Variants in CPN2 observed in about 807,000 individuals in gnomAD.
The protein encoded by CPN2 is carboxypeptidase N 83 kDa chain.
For synonymous variants in CPN2, 336 were observed against 318.4 expected (o/e 1.06, Z -0.59); for missense variants, 620 against 671.4 (o/e 0.92, Z 0.85).
intron 1 of CPN2, among the ~76,000 whole-genome samples, chr3:194,348,762 C>A (rs1409006117): frequency 6.6e-6 from 1 of 152,062 alleles, no homozygotes; most frequent in Non-Finnish European, 1.5e-5. Flanking sequence ...CATAGTGGTG[C>A]ATGCTTGTAG....
chr3:194,342,152 A>G lies in CPN2; in HGVS notation c.551T>C (p.Leu184Pro). ...GAGTGGGTGGAACAGCTCCTCCGGG[A>G]GCTGGGCCAGGAGGTTCTGGGCCAG... ...LNLAQNLLAQ[L>P]PEELFHPLTS... is the part of the protein sequence containing the mutation. Residue 184 changes from leucine to proline, a missense_variant, in exon 2 of 2, where the codon CTC becomes CCC. By Grantham distance (98) the Leu-to-Pro change is moderately conservative. Transcript: ENST00000323830. The G allele has an allele frequency of 6.2e-7, 1 of 1,613,990 alleles. No homozygotes were observed. Among genetic ancestry groups the G allele is most frequent in the Non-Finnish European group, 8.5e-7 (1 of 1,179,952 alleles).
At chr3:194,347,660 CCCCATCCGCTGCCCAGTTCAG>C (rs1713096333) in intron 1 of CPN2, among the ~76,000 whole-genome samples, 5 of 129,928 alleles carry the variant, frequency 3.8e-5, no homozygotes, top group African/African-American at 1.2e-4. Flanking sequence ...GTTCAGCCCA[CCCCATCCGCTGCCCAGTTCAG>C]CCCACCCCAC....
intron 1 of CPN2, among the ~76,000 whole-genome samples, chr3:194,347,272 T>C (rs1713079491): frequency 6.6e-6 from 1 of 151,938 alleles, no homozygotes; most frequent in African/African-American, 2.4e-5. Flanking sequence ...ACATTGCTTA[T>C]GGGAGGGTAC....
rs757478492 is a variant in CPN2, at chr3:194,349,778, C to CTTTTTTT, written c.-4+1457_-4+1463dup. On this transcript the variant is annotated intron_variant, in intron 1 of 1. Transcript: ENST00000323830. ...ATGAAGCCTTCCTGACTACCCTCTT[C>CTTTTTTT]TTTTTTTTTTTTTTTTTTTTTTTTT... 8.7e-4 allele frequency among the ~76,000 whole-genome samples: 57 copies of CTTTTTTT among 65,592 alleles called. 4 individuals are homozygous for CTTTTTTT. Among genetic ancestry groups the CTTTTTTT allele is most frequent in the Non-Finnish European group, 1.2e-3 (43 of 36,182 alleles). The allele number at this position is 65,592 out of a possible 152,430, so 43.0% of individuals were successfully genotyped here.
chr3:194,344,064 T>C (rs1161049499), intron 1 of CPN2, among the ~76,000 whole-genome samples: 2 of 152,222 alleles, frequency 1.3e-5, no homozygotes, highest in East Asian at 1.9e-4. Flanking sequence ...AGTTGCAGAA[T>C]CTGGGTCCCT....
At chr3:194,350,770 G>T (rs9823904) in intron 1 of CPN2, among the ~76,000 whole-genome samples, 55,879 of 151,750 alleles carry the variant, frequency 0.37, 10,859 homozygotes, top group African/African-American at 0.43. Context: ...TGGGAGGATC[G>T]CTTGAAGCCA....
At position 194,341,309 on chromosome 3, in the gene CPN2, C is replaced by A. The variant is rs766290460; in HGVS notation, c.1394G>T (p.Gly465Val). The change falls in exon 2 of 2, where the codon GGG (glycine) becomes GTG (valine). Residue 465 changes from glycine (G) to valine (V), a missense_variant. Physicochemically the swap from Gly to Val is moderately radical, Grantham distance 109 (BLOSUM62 -3). Coordinates refer to ENST00000323830, the MANE Select transcript of CPN2 (RefSeq NM_001080513.4). Reference sequence around the variant, plus strand: ...CTGCACAGCCAGATCCCAGCTGCCCCCTGCCTTGCTTTCGTCCGGCCACGT... The same window carrying A: ...CTGCACAGCCAGATCCCAGCTGCCCACTGCCTTGCTTTCGTCCGGCCACGT... ...QVTWPDESKA[G>V]GSWDLAVQER... 3 of 1,613,714 alleles carry A rather than the reference C, an allele frequency of 1.9e-6. No individual in the cohort carries two copies. The highest frequency in any genetic ancestry group is 1.1e-5 in the South Asian group (1 of 91,086).
intron 1 of CPN2, 78 bp from the exon 2 acceptor site, chr3:194,342,783 G>A: frequency 1.5e-6 from 1 of 689,222 alleles, no homozygotes; most frequent in South Asian, 1.9e-5. Flanking sequence ...AGGGCACAGT[G>A]ACCAGGGCAT....
Position 194,342,160 on chromosome 3 carries a change from C to T in CPN2, c.543G>A (p.Leu181=), listed in dbSNP as rs374743945. The T allele has an allele frequency of 1.9e-6, 3 of 1,613,888 alleles. No individual in the cohort carries two copies. The highest frequency in any genetic ancestry group is 2.7e-5 in the African/African-American group (2 of 74,882). ...LKTLNLAQNL[L]AQLPEELFHP... ...GGAACAGCTCCTCCGGGAGCTGGGCCAGGAGGTTCTGGGCCAGGTTGAGTG... is the reference window on the plus strand; with the variant it reads ...GGAACAGCTCCTCCGGGAGCTGGGCTAGGAGGTTCTGGGCCAGGTTGAGTG... The change falls in exon 2 of 2, where the codon CTG becomes CTA. Residue 181 remains leucine (L), a synonymous_variant. Transcript: ENST00000323830.
chr3:194,340,803 G>C lies in CPN2; in HGVS notation c.*262C>G, dbSNP rs1288699461. On this transcript the variant is annotated 3_prime_UTR_variant, in exon 2 of 2. Coordinates refer to ENST00000323830, the MANE Select transcript of CPN2 (RefSeq NM_001080513.4). ...CTGAGGATATTTTATTCTCCAGGCTGTGGTGCAGCTTTTGAGGGTGCTTTG... is the reference window on the plus strand; with the variant it reads ...CTGAGGATATTTTATTCTCCAGGCTCTGGTGCAGCTTTTGAGGGTGCTTTG... The C allele has an allele frequency of 8.4e-6, 4 of 475,962 alleles. No homozygotes were observed. Among genetic ancestry groups the C allele is most frequent in the Non-Finnish European group, 1.5e-5 (4 of 271,616 alleles). 29.5% of individuals were successfully genotyped at this position (475,962 alleles called of 1,614,324 possible).
At position 194,341,273 on chromosome 3, in the gene CPN2, G is replaced by C; in HGVS notation, c.1430C>G (p.Ala477Gly). The change falls in exon 2 of 2, where the codon GCC becomes GGC. Residue 477 changes from alanine to glycine, a missense_variant. Transcript: ENST00000323830. ...GTTGCTGTAGGTGCACTGGCTCCGG[G>C]CTGCCCTTTCCTGCACAGCCAGATC... Reference protein sequence around the residue: ...SWDLAVQERAARSQCTYSNPE... With the variant: ...SWDLAVQERAGRSQCTYSNPE... 6.2e-7 allele frequency: 1 copy of C among 1,613,398 alleles called. No individual in the cohort carries two copies. The highest frequency in any genetic ancestry group is 8.5e-7 in the Non-Finnish European group (1 of 1,179,922).
At chr3:194,350,959 G>A (rs1207977330) in intron 1 of CPN2, among the ~76,000 whole-genome samples, 2 of 152,100 alleles carry the variant, frequency 1.3e-5, no homozygotes, top group Non-Finnish European at 2.9e-5. Flanking sequence ...AGGCCAACCT[G>A]GACATCTGGT....
At chr3:194,349,693 C>T (rs1379331630) in intron 1 of CPN2, among the ~76,000 whole-genome samples, 1 of 149,194 alleles carries the variant, frequency 6.7e-6, no homozygotes, top group Non-Finnish European at 1.5e-5. Flanking sequence ...GAACTGGGCA[C>T]TATGCGACCC....
rs1403949245 is a variant in CPN2, at chr3:194,341,066, T to C, written c.1637A>G (p.Ter546TrpextTer1). The C allele has an allele frequency of 2.5e-6, 4 of 1,596,868 alleles. No individual in the cohort carries two copies. Among genetic ancestry groups the C allele is most frequent in the South Asian group, 1.1e-5 (1 of 89,364 alleles). The change falls in exon 2 of 2, where the codon TAG (stop) becomes TGG (tryptophan). Residue 546 changes from the stop codon to tryptophan, a stop_lost. Coordinates refer to ENST00000323830, the MANE Select transcript of CPN2 (RefSeq NM_001080513.4). Reference protein sequence around the residue: ...VSIEARAAGP* With the variant: ...VSIEARAAGPW ...CCCCAGCTCCTGTATGCGCTGCTAC[T>C]AGGGCCCTGCTGCCCGAGCCTCGAT...
chr3:194,346,540 T>C (rs1392182828), intron 1 of CPN2, among the ~76,000 whole-genome samples: 1 of 152,100 alleles, frequency 6.6e-6, no homozygotes, highest in African/African-American at 2.4e-5. Context: ...CACTCGGGAG[T>C]GGCTACGAGT....
At chr3:194,343,458 C>T (rs562305169) in intron 1 of CPN2, among the ~76,000 whole-genome samples, 2 of 152,286 alleles carry the variant, frequency 1.3e-5, no homozygotes, top group East Asian at 1.9e-4. Flanking sequence ...AATTGGAAAA[C>T]GTCACAATAA....
chr3:194,341,285 T>G lies in CPN2; in HGVS notation c.1418A>C (p.Gln473Pro), dbSNP rs1417978223. The stretch of plus-strand genomic sequence containing the variant: ...GCACTGGCTCCGGGCTGCCCTTTCC[T>G]GCACAGCCAGATCCCAGCTGCCCCC... ...KAGGSWDLAV[Q>P]ERAARSQCTY... The change falls in exon 2 of 2, where the codon CAG (glutamine) becomes CCG (proline). Residue 473 changes from glutamine (Q) to proline (P), a missense_variant. Coordinates refer to ENST00000323830, the MANE Select transcript of CPN2 (RefSeq NM_001080513.4). 1 of 1,613,504 alleles carries G rather than the reference T, an allele frequency of 6.2e-7. No individual in the cohort carries two copies. Among genetic ancestry groups the G allele is most frequent in the Admixed American group, 1.7e-5 (1 of 60,030 alleles).
Position 194,342,551 on chromosome 3 carries a change from G to A in CPN2, c.152C>T (p.Thr51Met), listed in dbSNP as rs146166274. Reference protein sequence around the residue: ...ATVPLDIPPYTKNIIFVETSF... With the variant: ...ATVPLDIPPYMKNIIFVETSF... ...GGTCTCCACAAAGATGATGTTTTTCGTATATGGCGGGATGTCCAGTGGGAC... is the reference window on the plus strand; with the variant it reads ...GGTCTCCACAAAGATGATGTTTTTCATATATGGCGGGATGTCCAGTGGGAC... The change falls in exon 2 of 2, where the codon ACG becomes ATG. Residue 51 changes from threonine (T) to methionine (M), a missense_variant. Physicochemically the swap from Thr to Met is moderately conservative, Grantham distance 81. Coordinates refer to ENST00000323830, the MANE Select transcript of CPN2 (RefSeq NM_001080513.4). 244 of 1,614,132 alleles carry A rather than the reference G, an allele frequency of 1.5e-4. 1 individual carries two copies. The African/African-American group carries it at 2.2e-3, about 15-fold the overall frequency.
intron 1 of CPN2, among the ~76,000 whole-genome samples, chr3:194,349,769 T>A: frequency 8.0e-6 from 1 of 125,658 alleles, no homozygotes; most frequent in Non-Finnish European, 1.7e-5. Context: ...CCTTCCTGAC[T>A]ACCCTCTTCT....
Sources: gnomAD v4.1 joint callset for allele counts (sites outside exome capture counted in the v4.1 genomes callset) on GRCh38, gnomAD v4.1.1 for gene constraint, MANE v1.5 for transcripts, NCBI Gene and HGNC (gene_info 2026-07-23, HGNC 2026-07-21) for gene names.